ARHGAP24: variants seen among roughly 807,000 people sequenced by gnomAD.
ARHGAP24 encodes Rho GTPase activating protein 24.
ARHGAP24 carries 50 observed loss-of-function variants against 76.4 expected under a neutral mutation model. That is an observed-to-expected ratio of 0.65 (90% CI 0.52 to 0.83). The LOEUF is 0.83. Ranked by LOEUF, ARHGAP24 falls within the 40% of genes least tolerant of loss-of-function variation. The pLI, the probability that ARHGAP24 is intolerant of heterozygous loss-of-function variation, is 0.00. For synonymous variants in ARHGAP24, 345 were observed against 323.3 expected (o/e 1.07, Z -0.72); for missense variants, 930 against 914.2 (o/e 1.02, Z -0.22).
intron 3 of ARHGAP24, among the ~76,000 whole-genome samples, chr4:85,835,119 G>T (rs17011065): frequency 0.092 from 14,068 of 152,096 alleles, 1,017 homozygotes; most frequent in East Asian, 0.29. Context: ...GTCTGATTTG[G>T]AAAGACCCAT....
intron 2 of ARHGAP24, among the ~76,000 whole-genome samples, chr4:85,608,551 G>GTTTTTTTT (rs141361475): frequency 1.4e-5 from 1 of 73,186 alleles, no homozygotes. Flanking sequence ...TTGTTTGGTT[G>GTTTTTTTT]TTTTTTTTTT....
chr4:85,700,298 G>A (rs1724027825), intron 2 of ARHGAP24, among the ~76,000 whole-genome samples: 1 of 151,986 alleles, frequency 6.6e-6, no homozygotes, highest in Admixed American at 6.6e-5. Flanking sequence ...GGGAGGCTGA[G>A]GCAGGTAGAA....
chr4:85,790,031 A>T (rs1297991570), intron 3 of ARHGAP24, among the ~76,000 whole-genome samples: 2 of 152,166 alleles, frequency 1.3e-5, no homozygotes, highest in Non-Finnish European at 2.9e-5. Context: ...TATTAGGTGC[A>T]GAAATCACTT....
At chr4:85,810,143 T>A (rs574064425) in intron 3 of ARHGAP24, among the ~76,000 whole-genome samples, 26 of 152,376 alleles carry the variant, frequency 1.7e-4, no homozygotes, top group Middle Eastern at 3.4e-3. Context: ...GCTTTCTTTT[T>A]AAAAATTTCA....
At chr4:85,895,668 T>C (rs1295440703) in intron 3 of ARHGAP24, among the ~76,000 whole-genome samples, 3 of 152,222 alleles carry the variant, frequency 2.0e-5, no homozygotes, top group Non-Finnish European at 4.4e-5. Flanking sequence ...TCTGACTTTT[T>C]TCTGTACCCT....
chr4:85,731,688 T>C (rs1310185997), intron 3 of ARHGAP24, among the ~76,000 whole-genome samples: 2 of 152,204 alleles, frequency 1.3e-5, no homozygotes, highest in African/African-American at 4.8e-5. Flanking sequence ...TATACTACTG[T>C]AGGGTGACTA....
chr4:85,636,955 G>A (rs1721330202), intron 2 of ARHGAP24, among the ~76,000 whole-genome samples: 1 of 151,978 alleles, frequency 6.6e-6, no homozygotes, highest in Admixed American at 6.6e-5. Context: ...TTTTTCAAAG[G>A]AAGGAATGAA....
intron 9 of ARHGAP24, among the ~76,000 whole-genome samples, chr4:85,997,154 A>G (rs957312041): frequency 6.6e-6 from 1 of 152,176 alleles, no homozygotes; most frequent in African/African-American, 2.4e-5. Flanking sequence ...GAAATTATAG[A>G]AAGTTAACTG....
chr4:85,506,245 C>T (rs972544159), intron 1 of ARHGAP24, among the ~76,000 whole-genome samples: 5 of 152,150 alleles, frequency 3.3e-5, no homozygotes, highest in South Asian at 2.1e-4. Context: ...AGAGCTCAAA[C>T]GCCATGCTGG....
At chr4:85,505,153 A>AT (rs1446617246) in intron 1 of ARHGAP24, among the ~76,000 whole-genome samples, 1 of 151,892 alleles carries the variant, frequency 6.6e-6, no homozygotes, top group Admixed American at 6.6e-5. Context: ...TGCCCTTAAC[A>AT]TTTTTTCCTT....
rs79439070 is a variant in ARHGAP24 at position 85,704,937 on chromosome 4, G to A, written c.181-16948G>A. Reference sequence around the variant, plus strand: ...CAATAAGTTTTAAAAGTTTGGAGTGGATAAATCTAAGTAGAATGGAATCAC... The same window carrying A: ...CAATAAGTTTTAAAAGTTTGGAGTGAATAAATCTAAGTAGAATGGAATCAC... On this transcript the variant is annotated intron_variant, in intron 2 of 9. Transcript: ENST00000395184. 1.1e-4 allele frequency among the ~76,000 whole-genome samples: 17 copies of A among 152,148 alleles called. No homozygotes were observed. The East Asian group carries it at 3.1e-3, about 28-fold the overall frequency.
intron 3 of ARHGAP24, among the ~76,000 whole-genome samples, chr4:85,902,310 G>A (rs6850162): frequency 4.6e-5 from 7 of 152,140 alleles, no homozygotes; most frequent in African/African-American, 1.7e-4. Flanking sequence ...ATCAGATAGG[G>A]CGCAGACTAA....
intron 3 of ARHGAP24, among the ~76,000 whole-genome samples, chr4:85,830,767 G>C (rs1288665950): frequency 6.6e-6 from 1 of 152,162 alleles, no homozygotes; most frequent in Non-Finnish European, 1.5e-5. Context: ...TATTTCTCTG[G>C]TAGATTAGTC....
chr4:85,507,580 C>A (rs1724113569), intron 1 of ARHGAP24, among the ~76,000 whole-genome samples: 1 of 152,170 alleles, frequency 6.6e-6, no homozygotes, highest in Non-Finnish European at 1.5e-5. Context: ...TGGTGACGAG[C>A]ATGAGTGTTA....
At position 85,751,083 on chromosome 4, in the gene ARHGAP24, ATG is replaced by A. The variant is rs754312473; in HGVS notation, c.268+29118_268+29119del. ...TCTCTGCCCAGATTTATAGACATAT[ATG>A]TGTGTGCACATTATTTATGTGTTTA... On this transcript the variant is annotated intron_variant, in intron 3 of 9. Transcript: ENST00000395184. Among the ~76,000 whole-genome samples, 4 of 152,216 alleles carry A rather than the reference ATG, an allele frequency of 2.6e-5. No homozygotes were observed. The East Asian group carries it at 5.8e-4, about 22-fold the overall frequency.
chr4:85,944,520 C>G (rs1737138018), intron 5 of ARHGAP24, among the ~76,000 whole-genome samples: 1 of 152,116 alleles, frequency 6.6e-6, no homozygotes, highest in South Asian at 2.1e-4. Context: ...CTGTAGGTCG[C>G]CTGTTCACGC....
intron 3 of ARHGAP24, among the ~76,000 whole-genome samples, chr4:85,831,766 G>A (rs1364261112): frequency 6.6e-6 from 1 of 152,020 alleles, no homozygotes; most frequent in East Asian, 1.9e-4. Flanking sequence ...GTGGGACATG[G>A]TGGTATGTGC....
At chr4:85,995,705 T>G in intron 9 of ARHGAP24, 48 bp downstream of exon 9, 1 of 1,554,934 alleles carries the variant, frequency 6.4e-7, no homozygotes, top group Non-Finnish European at 8.9e-7. Flanking sequence ...CTCAGTAGCC[T>G]CCTACTGTGG....
chr4:85,840,375 G>T (rs1031238744), intron 3 of ARHGAP24, among the ~76,000 whole-genome samples: 7 of 152,112 alleles, frequency 4.6e-5, no homozygotes, highest in Admixed American at 1.3e-4. Flanking sequence ...TTTAAGCCCC[G>T]GGCTAGTCTA....
Sources: allele counts gnomAD v4.1 joint callset (sites outside exome capture counted in the v4.1 genomes callset), GRCh38; gene constraint gnomAD v4.1.1; transcripts MANE v1.5; gene names NCBI Gene and HGNC (gene_info 2026-07-23, HGNC 2026-07-21).